The following UXS1 variants were observed in gnomAD, a reference collection of about 807,000 sequenced individuals.
UXS1 encodes the protein UDP-glucuronate decarboxylase 1.
Under a neutral mutation model 62.6 loss-of-function variants are expected in UXS1, and 33 were observed. The observed-to-expected ratio is 0.53, with a 90% CI of 0.40 to 0.70. UXS1 has a LOEUF of 0.70. UXS1 is among the 30% of genes least tolerant of loss of function. The pLI is 0.00. For synonymous variants in UXS1, 213 were observed against 206.8 expected, an observed-to-expected ratio of 1.03 and a Z score of -0.26; for missense variants, 434 against 556.3, an observed-to-expected ratio of 0.78 and a Z score of 2.21.
chr2:106,191,125 G>A (rs1326702056), intron 1 of UXS1, among the ~76,000 whole-genome samples: 1 of 152,146 alleles, frequency 6.6e-6, no homozygotes, highest in African/African-American at 2.4e-5. Context: ...AAGACATGAA[G>A]AAGAGTTATG....
At chr2:106,164,881 G>T in intron 2 of UXS1, 82 bp from the exon 3 acceptor site, 1 of 975,654 alleles carries the variant, frequency 1.0e-6, no homozygotes. Flanking sequence ...CCCAACGGAT[G>T]CAGACCACCT....
intron 7 of UXS1, among the ~76,000 whole-genome samples, chr2:106,128,330 C>T (rs1284428396): frequency 6.6e-6 from 1 of 152,182 alleles, no homozygotes; most frequent in African/African-American, 2.4e-5. Context: ...TCATCTTACT[C>T]CAAACAACCT....
chr2:106,098,641 T>C, intron 13 of UXS1, 75 bp downstream of exon 13: 1 of 1,262,586 alleles, frequency 7.9e-7, no homozygotes, highest in South Asian at 1.3e-5. Context: ...AATTACCCAC[T>C]TTCTAGTCAA....
At chr2:106,161,025 G>A (rs890689869) in intron 4 of UXS1, among the ~76,000 whole-genome samples, 1 of 152,140 alleles carries the variant, frequency 6.6e-6, no homozygotes, top group Non-Finnish European at 1.5e-5. Flanking sequence ...CAGTATGCAT[G>A]TCATCCTGTT....
At chr2:106,126,274 G>A (rs1353540707) in intron 7 of UXS1, among the ~76,000 whole-genome samples, 1 of 152,160 alleles carries the variant, frequency 6.6e-6, no homozygotes, top group South Asian at 2.1e-4. Flanking sequence ...TATCTATGGT[G>A]GTCAAGTAAG....
chr2:106,181,293 CT>C (rs1198319015), intron 1 of UXS1, among the ~76,000 whole-genome samples: 1 of 152,180 alleles, frequency 6.6e-6, no homozygotes, highest in African/African-American at 2.4e-5. Context: ...GGAACCTCAT[CT>C]CTCTCTGAAA....
intron 13 of UXS1, chr2:106,097,359 G>GC (rs1165469183): frequency 7.8e-6 from 3 of 385,238 alleles, no homozygotes; most frequent in African/African-American, 6.2e-5. Flanking sequence ...CTGGGCCCAG[G>GC]CCCCACTGGC....
chr2:106,180,593 G>A (rs979798099), intron 1 of UXS1, among the ~76,000 whole-genome samples: 2 of 152,180 alleles, frequency 1.3e-5, no homozygotes, highest in African/African-American at 4.8e-5. Context: ...TTGGAAGCAG[G>A]ACACCAATAA....
intron 1 of UXS1, among the ~76,000 whole-genome samples, chr2:106,172,579 TG>T (rs1460610338): frequency 2.0e-5 from 3 of 152,078 alleles, no homozygotes; most frequent in Non-Finnish European, 4.4e-5. Context: ...GAGATGGGGC[TG>T]GGGGTGGAGC....
chr2:106,146,639 G>A (rs997980316), intron 5 of UXS1, among the ~76,000 whole-genome samples: 3 of 151,774 alleles, frequency 2.0e-5, no homozygotes, highest in Non-Finnish European at 4.4e-5. Flanking sequence ...AATTAGCTGG[G>A]CGTGGTGGCA....
chr2:106,118,413 C>A (rs1368725806), intron 9 of UXS1, among the ~76,000 whole-genome samples: 3 of 146,958 alleles, frequency 2.0e-5, no homozygotes, highest in African/African-American at 7.4e-5. Flanking sequence ...GCAGATCCAG[C>A]CCAGTGGGTG....
At chr2:106,160,408 T>C (rs902865490) in intron 4 of UXS1, 16 of 152,218 alleles carry the variant, frequency 1.1e-4, no homozygotes, top group African/African-American at 3.9e-4. Flanking sequence ...GCTGGAGCCG[T>C]CTCTGACTCA....
rs1685121129 is a variant in UXS1 at position 106,194,152 on chromosome 2, G to C, written c.90C>G (p.Val30=). The C allele has an allele frequency of 1.4e-6, 2 of 1,480,294 alleles. No homozygotes were observed. The highest frequency in any genetic ancestry group is 3.0e-5 in the East Asian group (1 of 33,212). 91.7% of individuals were successfully genotyped at this position (1,480,294 alleles called of 1,614,324 possible). ...LLLGIALLAY[V]ASVWGNFVNM... ...TGGCAGCGGGCGCGCACTCACAGGC[G>C]ACGTAGGCCAGCAAGGCGATGCCCA... Residue 30 remains valine, a synonymous_variant, in exon 1 of 15, where the codon GTC becomes GTG. Transcript: ENST00000283148.
rs1677342552 is a variant in UXS1, at chr2:106,098,827, C to T, written c.985-54G>A. 3.3e-6 allele frequency: 5 copies of T among 1,512,992 alleles called. No homozygotes were observed. In the South Asian group the frequency reaches 5.8e-5, roughly 18 times the overall value. 93.7% of individuals were successfully genotyped at this position (1,512,992 alleles called of 1,614,324 possible). A position where few individuals can be genotyped will look rare whatever the true frequency, so the allele number is the denominator to read the frequency against. On this transcript the variant is annotated intron_variant, in intron 12 of 14. Transcript: ENST00000283148. ...GCGTCATGACAACAGCAGCAATCCA[C>T]CACCCAGACCACAGGCGTGTCTGCA...
chr2:106,162,623 T>C (rs1045102213), intron 4 of UXS1, among the ~76,000 whole-genome samples: 1 of 152,192 alleles, frequency 6.6e-6, no homozygotes, highest in African/African-American at 2.4e-5. Flanking sequence ...CAAGGAAATA[T>C]TACAAGCTGC....
intron 5 of UXS1, 145 bp downstream of exon 5, chr2:106,157,913 G>T: frequency 1.4e-6 from 1 of 710,110 alleles, no homozygotes; most frequent in Non-Finnish European, 2.3e-6. Flanking sequence ...TGTGGAATCA[G>T]AATGCGGTGC....
chr2:106,193,203 G>A (rs372880198), intron 1 of UXS1, among the ~76,000 whole-genome samples: 2 of 152,048 alleles, frequency 1.3e-5, no homozygotes, highest in Non-Finnish European at 2.9e-5. Context: ...CTCACCTCTG[G>A]AATCAGATCT....
At chr2:106,165,348 C>T (rs1251940287) in intron 2 of UXS1, among the ~76,000 whole-genome samples, 1 of 152,174 alleles carries the variant, frequency 6.6e-6, no homozygotes, top group Non-Finnish European at 1.5e-5. Context: ...TAACCTTTTA[C>T]CCTGGTAGAC....
intron 1 of UXS1, among the ~76,000 whole-genome samples, chr2:106,166,892 C>T (rs1683250655): frequency 6.6e-6 from 1 of 152,100 alleles, no homozygotes; most frequent in Non-Finnish European, 1.5e-5. Flanking sequence ...TCACAAAAAT[C>T]AAATAATCAC....
Sources: gnomAD v4.1 joint callset for allele counts (sites outside exome capture counted in the v4.1 genomes callset) on GRCh38, gnomAD v4.1.1 for gene constraint, MANE v1.5 for transcripts, NCBI Gene and HGNC (gene_info 2026-07-23, HGNC 2026-07-21) for gene names.